The following LRBA variants were observed in gnomAD, a reference collection of about 807,000 sequenced individuals.
LRBA encodes LPS responsive beige-like anchor protein, also known as lipopolysaccharide-responsive and beige-like anchor protein.
Under a neutral mutation model 330.0 loss-of-function variants are expected in LRBA, and 176 were observed. The ratio of observed to expected loss-of-function variants is 0.53; its 90% CI spans 0.47 to 0.60. The LOEUF (loss-of-function observed/expected upper bound fraction) is 0.60. Ranked by LOEUF, LRBA falls within the 20% of genes least tolerant of loss-of-function variation. The pLI, the probability that LRBA is intolerant of heterozygous loss-of-function variation, is 0.00. For synonymous variants in LRBA, 1,230 were observed against 1,193.0 expected (o/e 1.03, Z -0.64); for missense variants, 3,259 against 3,444.8 (o/e 0.95, Z 1.35).
At chr4:150,986,548 G>A (rs956521680) in intron 2 of LRBA, among the ~76,000 whole-genome samples, 9 of 152,146 alleles carry the variant, frequency 5.9e-5, no homozygotes, top group African/African-American at 1.9e-4. Context: ...TGTCAATCTG[G>A]TAAGATGGTT....
intron 36 of LRBA, among the ~76,000 whole-genome samples, chr4:150,685,752 G>GGGAGATGCATAGCA (rs1355650958): frequency 2.2e-4 from 34 of 151,850 alleles, no homozygotes; most frequent in Admixed American, 9.2e-4. Context: ...AAATATCTTA[G>GGGAGATGCATAGCA]TCTGTGCAAA....
At chr4:150,891,951 G>A (rs944881589) in intron 17 of LRBA, among the ~76,000 whole-genome samples, 1 of 152,094 alleles carries the variant, frequency 6.6e-6, no homozygotes, top group East Asian at 1.9e-4. Context: ...AATAAGCTGG[G>A]CATGGTGGCA....
intron 42 of LRBA, among the ~76,000 whole-genome samples, chr4:150,487,472 G>T (rs1011207932): frequency 6.6e-6 from 1 of 151,264 alleles, no homozygotes; most frequent in East Asian, 1.9e-4. Context: ...CATACCCTAT[G>T]CTAGGGAAAA....
At chr4:150,930,916 A>C (rs1734418587) in intron 2 of LRBA, among the ~76,000 whole-genome samples, 1 of 152,222 alleles carries the variant, frequency 6.6e-6, no homozygotes, top group Admixed American at 6.5e-5. Context: ...CGTAGCTAAA[A>C]AGTATACGTG....
At chr4:151,001,580 C>G (rs544987435) in intron 2 of LRBA, among the ~76,000 whole-genome samples, 1 of 152,258 alleles carries the variant, frequency 6.6e-6, no homozygotes, top group Non-Finnish European at 1.5e-5. Flanking sequence ...TGGCATCTAC[C>G]TGCATGAACA....
intron 2 of LRBA, among the ~76,000 whole-genome samples, chr4:150,986,171 A>G (rs970475709): frequency 3.9e-5 from 6 of 152,216 alleles, no homozygotes; most frequent in African/African-American, 1.4e-4. Flanking sequence ...ACATTAAAAT[A>G]GCAGTCCCCA....
chr4:150,827,024 A>C (rs1002578343), intron 30 of LRBA, among the ~76,000 whole-genome samples: 3 of 152,228 alleles, frequency 2.0e-5, no homozygotes, highest in Non-Finnish European at 4.4e-5. Flanking sequence ...TATGACAAAA[A>C]GGTGAGGGGT....
chr4:150,463,252 C>T (rs1198832942), intron 44 of LRBA, among the ~76,000 whole-genome samples: 1 of 151,900 alleles, frequency 6.6e-6, no homozygotes, highest in East Asian at 1.9e-4. Flanking sequence ...AGTTGTAAGG[C>T]GGTAGAATGT....
intron 32 of LRBA, among the ~76,000 whole-genome samples, chr4:150,807,350 C>T (rs1217245912): frequency 2.6e-5 from 4 of 152,094 alleles, no homozygotes; most frequent in African/African-American, 9.7e-5. Flanking sequence ...TTCTTCCACA[C>T]AACTCATAGA....
At position 150,265,819 on chromosome 4, in the gene LRBA, G is replaced by A. The variant is rs757981836; in HGVS notation, c.8469-7C>T. ...CATGCCAGAAATGATGCACCTAGGA[G>A]AAGCACAGAGAGAAGGACTTTTACA... On this transcript the variant is annotated splice_region_variant and splice_polypyrimidine_tract_variant and intron_variant, in intron 56 of 56. Transcript: ENST00000651943. 7.0e-6 allele frequency: 11 copies of A among 1,574,078 alleles called. No homozygotes were observed. The highest frequency in any genetic ancestry group is 9.6e-6 in the Non-Finnish European group (11 of 1,143,568).
At chr4:150,334,634 G>C (rs1265830391) in intron 48 of LRBA, among the ~76,000 whole-genome samples, 1 of 151,854 alleles carries the variant, frequency 6.6e-6, no homozygotes, top group Non-Finnish European at 1.5e-5. Flanking sequence ...ATGGAGGAAG[G>C]ATGAAAAGAT....
chr4:150,938,084 A>AG (rs1367317644), intron 2 of LRBA, among the ~76,000 whole-genome samples: 1 of 151,872 alleles, frequency 6.6e-6, no homozygotes, highest in Non-Finnish European at 1.5e-5. Flanking sequence ...TTTAAAAAAA[A>AG]AAAAAAAAAG....
intron 37 of LRBA, among the ~76,000 whole-genome samples, chr4:150,658,110 C>T (rs185683831): frequency 6.6e-6 from 1 of 152,150 alleles, no homozygotes; most frequent in East Asian, 1.9e-4. Flanking sequence ...TAGCCTTTGA[C>T]TAACTACGGG....
rs768668924 is a variant in LRBA at position 150,959,911 on chromosome 4, G to A, written c.217-30846C>T. On this transcript the variant is annotated intron_variant, in intron 2 of 56. Transcript: ENST00000651943. ...ATATAAAGTGTGTGTGTGCATGTAC[G>A]TATACATACTTTTTTTTTTTTTTAA... 6.9e-4 allele frequency among the ~76,000 whole-genome samples: 101 copies of A among 145,492 alleles called. 2 individuals carry two copies. Among genetic ancestry groups the A allele is most frequent in the Non-Finnish European group, 1.2e-3 (80 of 67,466 alleles).
At chr4:150,708,206 T>A (rs528094522) in intron 36 of LRBA, among the ~76,000 whole-genome samples, 6 of 151,880 alleles carry the variant, frequency 4.0e-5, no homozygotes, top group Admixed American at 2.0e-4. Flanking sequence ...GTTATCTTCA[T>A]CTCTGTCAGC....
At chr4:150,620,699 T>C (rs189885584) in intron 37 of LRBA, among the ~76,000 whole-genome samples, 128 of 152,256 alleles carry the variant, frequency 8.4e-4, no homozygotes, top group African/African-American at 2.9e-3. Context: ...GAGAAGTAAC[T>C]GAGGAATGGA....
intron 40 of LRBA, among the ~76,000 whole-genome samples, chr4:150,552,712 G>A (rs1329490350): frequency 6.6e-6 from 1 of 152,086 alleles, no homozygotes; most frequent in Non-Finnish European, 1.5e-5. Flanking sequence ...GTTTACTGCG[G>A]CACTACTCAC....
chr4:150,533,963 G>A (rs1764337108), intron 40 of LRBA, among the ~76,000 whole-genome samples: 1 of 152,026 alleles, frequency 6.6e-6, no homozygotes, highest in Non-Finnish European at 1.5e-5. Flanking sequence ...TGAAGATGCT[G>A]GATTCTATGA....
chr4:150,601,018 C>T (rs965697019), intron 37 of LRBA, among the ~76,000 whole-genome samples: 4 of 152,272 alleles, frequency 2.6e-5, no homozygotes, highest in Middle Eastern at 3.4e-3. Flanking sequence ...TTCATCAGTG[C>T]GGCAATCGGC....
Sources: gnomAD v4.1 joint callset for allele counts (sites outside exome capture counted in the v4.1 genomes callset) on GRCh38, gnomAD v4.1.1 for gene constraint, MANE v1.5 for transcripts, NCBI Gene and HGNC (gene_info 2026-07-23, HGNC 2026-07-21) for gene names.